Variants in CAV3 observed in about 807,000 individuals in gnomAD.
The protein encoded by CAV3 is caveolin-3.
A neutral mutation model predicts 13.4 loss-of-function variants in CAV3; 10 were observed. The ratio of observed to expected loss-of-function variants is 0.75; its 90% CI spans 0.46 to 1.27. The LOEUF (loss-of-function observed/expected upper bound fraction) is 1.27. Ranked by LOEUF, CAV3 falls within the 50% of genes most tolerant of loss-of-function variation. CAV3 has a pLI of 0.00. For synonymous variants in CAV3, 90 were observed against 79.0 expected (o/e 1.14, Z -0.74); for missense variants, 162 against 194.0 (o/e 0.83, Z 0.98).
intron 1 of CAV3, among the ~76,000 whole-genome samples, chr3:8,737,067 G>T (rs1251026782): frequency 2.0e-5 from 3 of 152,136 alleles, no homozygotes; most frequent in Non-Finnish European, 2.9e-5. Context: ...AACTGCCCGG[G>T]TTTTGCCATC....
In CAV3 at chr3:8,745,785, T is replaced by A; in HGVS notation, c.374T>A (p.Ile125Asn). Residue 125 changes from isoleucine to asparagine, a missense_variant, in exon 2 of 2, where the codon ATC (isoleucine) becomes AAC (asparagine). Ile to Asn is a moderately radical substitution (Grantham distance 149). Transcript: ENST00000343849. The surrounding 1 kb of genome is among the most constrained non-coding windows in gnomAD (Gnocchi z 4.8). ...ATCAGCCACATCTACTCACTCTGCA[T>A]CCGCACCTTCTGCAACCCACTCTTC... Reference protein sequence around the residue: ...QCISHIYSLCIRTFCNPLFAA... With the variant: ...QCISHIYSLCNRTFCNPLFAA... 6.2e-7 allele frequency: 1 copy of A among 1,614,060 alleles called. No homozygotes were observed. The highest frequency in any genetic ancestry group is 8.5e-7 in the Non-Finnish European group (1 of 1,180,032).
At chr3:8,734,512 C>T (rs1707682779) in intron 1 of CAV3, among the ~76,000 whole-genome samples, 1 of 152,200 alleles carries the variant, frequency 6.6e-6, no homozygotes, top group Non-Finnish European at 1.5e-5. Flanking sequence ...CAGCCCTCCC[C>T]TAGCTACCCC....
In CAV3 at chr3:8,746,082, G is replaced by A. The variant is rs1027201542; in HGVS notation, c.*215G>A. The A allele has an allele frequency of 7.4e-5, 40 of 540,698 alleles. No individual in the cohort carries two copies. The highest frequency in any genetic ancestry group is 1.1e-4 in the Non-Finnish European group (33 of 302,556). The allele number at this position is 540,698 out of a possible 1,614,324, so 33.5% of individuals were successfully genotyped here. On this transcript the variant is annotated 3_prime_UTR_variant, in exon 2 of 2. Transcript: ENST00000343849. ...CGCTCTCCCCCAGCCCCACCATGAT[G>A]CCCCCATGCCTGGGCGTGGGGGAAG...
chr3:8,742,360 C>CAAAAAAAAA (rs36055094), intron 1 of CAV3: 3 of 242,220 alleles, frequency 1.2e-5, no homozygotes, highest in African/African-American at 2.7e-5. Flanking sequence ...CTGCAAACAC[C>CAAAAAAAAA]AAAAAAAAAA....
chr3:8,738,587 C>G (rs1024543241), intron 1 of CAV3, among the ~76,000 whole-genome samples: 4 of 152,168 alleles, frequency 2.6e-5, no homozygotes, highest in African/African-American at 9.7e-5. Flanking sequence ...TTACTTTCAT[C>G]TGGAAAAATC....
chr3:8,734,591 T>C (rs542346049), intron 1 of CAV3, among the ~76,000 whole-genome samples: 3 of 151,770 alleles, frequency 2.0e-5, no homozygotes, highest in Admixed American at 2.0e-4. Context: ...AAGCTCGGGG[T>C]TGTCTAGCCC....
chr3:8,740,651 G>A (rs1707925146), intron 1 of CAV3, among the ~76,000 whole-genome samples: 1 of 152,184 alleles, frequency 6.6e-6, no homozygotes, highest in Non-Finnish European at 1.5e-5. Flanking sequence ...CAGCCCAGGT[G>A]TCCTAGGTCC....
rs756611208 is a variant in CAV3, at chr3:8,745,827, T to A, written c.416T>A (p.Val139Asp). The A allele has an allele frequency of 1.9e-6, 3 of 1,613,584 alleles. No individual in the cohort carries two copies. Among genetic ancestry groups the A allele is most frequent in the Admixed American group, 1.7e-5 (1 of 60,010 alleles). The change falls in exon 2 of 2, where the codon GTC (valine) becomes GAC (aspartate). Residue 139 changes from valine (V) to aspartate (D), a missense_variant. Coordinates refer to ENST00000343849, the MANE Select transcript of CAV3 (RefSeq NM_033337.3). The surrounding 1 kb of genome is among the most constrained non-coding windows in gnomAD (Gnocchi z 4.8). ...CCACTCTTCGCGGCCCTGGGCCAGGTCTGCAGCAGCATCAAGGTGGTGCTG... is the reference window on the plus strand; with the variant it reads ...CCACTCTTCGCGGCCCTGGGCCAGGACTGCAGCAGCATCAAGGTGGTGCTG... ...CNPLFAALGQ[V>D]CSSIKVVLRK...
chr3:8,745,847 G>A lies in CAV3; in HGVS notation c.436G>A (p.Val146Met). The change falls in exon 2 of 2, where the codon GTG becomes ATG. Residue 146 changes from valine (V) to methionine (M), a missense_variant. Val to Met is a conservative substitution (Grantham distance 21). Transcript: ENST00000343849. The surrounding 1 kb of genome is among the most constrained non-coding windows in gnomAD (Gnocchi z 4.8). ...LGQVCSSIKV[V>M]LRKEV is the part of the protein sequence containing the mutation. ...CCAGGTCTGCAGCAGCATCAAGGTG[G>A]TGCTGCGGAAGGAGGTCTAAAGCCA... is the stretch of plus-strand genomic sequence containing the variant. 6.2e-7 allele frequency: 1 copy of A among 1,612,760 alleles called. No homozygotes were observed. The highest frequency in any genetic ancestry group is 1.1e-5 in the South Asian group (1 of 91,082).
In CAV3 at chr3:8,745,945, C is replaced by T. The variant is rs925208927; in HGVS notation, c.*78C>T. On this transcript the variant is annotated 3_prime_UTR_variant, in exon 2 of 2. Transcript: ENST00000343849. The surrounding 1 kb of genome is among the most constrained non-coding windows in gnomAD (Gnocchi z 4.8). ...TCCCCGGGGGACTTCTTCACAGGGG[C>T]TGCTGGCGAGCTCTTTCTCTTTAGG... 8.4e-7 allele frequency: 1 copy of T among 1,187,658 alleles called. No individual in the cohort carries two copies. Among genetic ancestry groups the T allele is most frequent in the African/African-American group, 1.5e-5 (1 of 66,680 alleles). 73.6% of individuals were successfully genotyped at this position (1,187,658 alleles called of 1,614,324 possible). A position where few individuals can be genotyped will look rare whatever the true frequency, so the allele number is the denominator to read the frequency against.
At chr3:8,742,512 C>A (rs757006717) in intron 1 of CAV3, 2 of 456,520 alleles carry the variant, frequency 4.4e-6, no homozygotes, top group African/African-American at 2.0e-5. Flanking sequence ...CTGAGACACA[C>A]GCAGACTCAT....
chr3:8,736,100 T>C (rs1259789377), intron 1 of CAV3, among the ~76,000 whole-genome samples: 1 of 152,168 alleles, frequency 6.6e-6, no homozygotes, highest in Non-Finnish European at 1.5e-5. Context: ...ACCTGTAAAA[T>C]ATTATTAGTT....
Position 8,746,266 on chromosome 3 carries a change from T to C in CAV3, c.*399T>C, listed in dbSNP as rs927770975. Reference sequence around the variant, plus strand: ...TTAGGAAGGTGGCTCCAGTAAAGGGTTTTGGCTGCATTTGGGGAATGCTGC... The same window carrying C: ...TTAGGAAGGTGGCTCCAGTAAAGGGCTTTGGCTGCATTTGGGGAATGCTGC... On this transcript the variant is annotated 3_prime_UTR_variant, in exon 2 of 2. Transcript: ENST00000343849. 5.5e-6 allele frequency: 1 copy of C among 180,336 alleles called. No individual in the cohort carries two copies. The highest frequency in any genetic ancestry group is 2.3e-5 in the African/African-American group (1 of 42,612). 11.2% of individuals were successfully genotyped at this position (180,336 alleles called of 1,614,324 possible).
chr3:8,734,025 G>A, intron 1 of CAV3, 35 bp downstream of exon 1: 1 of 1,308,366 alleles, frequency 7.6e-7, no homozygotes, highest in Non-Finnish European at 1.1e-6. Flanking sequence ...CGGGCGGAGA[G>A]TGTCAGGTTT....
chr3:8,736,297 G>A (rs976607262), intron 1 of CAV3, among the ~76,000 whole-genome samples: 8 of 152,136 alleles, frequency 5.3e-5, no homozygotes, highest in Non-Finnish European at 1.2e-4. Context: ...CCAGGTAAAC[G>A]AATCTCAAAG....
At chr3:8,734,107 T>A in intron 1 of CAV3, 117 bp downstream of exon 1, 1 of 704,558 alleles carries the variant, frequency 1.4e-6, no homozygotes, top group Non-Finnish European at 2.6e-6. Flanking sequence ...GACTTGTTGC[T>A]CTGTTGTCTC....
Position 8,745,609 on chromosome 3 carries a change from T to G in CAV3, c.198T>G (p.Thr66=). 6.2e-7 allele frequency: 1 copy of G among 1,614,136 alleles called. No homozygotes were observed. Among genetic ancestry groups the G allele is most frequent in the African/African-American group, 1.3e-5 (1 of 75,052 alleles). Residue 66 remains threonine (T), a synonymous_variant, in exon 2 of 2, where the codon ACT becomes ACG. Transcript: ENST00000343849. This position sits in a 1 kb window ranked among gnomAD's most constrained non-coding sequence, Gnocchi z 4.8. ...GGAAGGTGAGCTACACCACCTTCAC[T>G]GTCTCCAAGTACTGGTGCTACCGTC... ...GVWKVSYTTF[T]VSKYWCYRLL... is the part of the protein sequence containing the mutation.
intron 1 of CAV3, among the ~76,000 whole-genome samples, chr3:8,739,126 C>T (rs1707857643): frequency 6.6e-6 from 1 of 152,192 alleles, no homozygotes; most frequent in South Asian, 2.1e-4. Flanking sequence ...CTAATTCACA[C>T]TGAGGTATTA....
At chr3:8,734,208 C>A (rs546893733) in intron 1 of CAV3, among the ~76,000 whole-genome samples, 1 of 151,370 alleles carries the variant, frequency 6.6e-6, no homozygotes, top group South Asian at 2.1e-4. Flanking sequence ...AAAAATTAGC[C>A]TCATCTCCAT....
Sources: gnomAD v4.1 joint callset for allele counts (sites outside exome capture counted in the v4.1 genomes callset) on GRCh38, gnomAD v4.1.1 for gene constraint, Gnocchi (gnomAD v3.1) non-coding constraint, MANE v1.5 for transcripts, NCBI Gene and HGNC (gene_info 2026-07-23, HGNC 2026-07-21) for gene names.